NALF1: variants seen among roughly 807,000 people sequenced by gnomAD.
NALF1 encodes the protein family with sequence similarity 155 member A.
Under a neutral mutation model 48.4 loss-of-function variants are expected in NALF1, and 3 were observed. The observed-to-expected ratio is 0.06, with a 90% CI of 0.03 to 0.16. The LOEUF (loss-of-function observed/expected upper bound fraction) is 0.16, where lower values mean the gene tolerates loss of function less well. NALF1 is among the 10% of genes least tolerant of loss of function. The pLI is 1.00. For missense variants in NALF1, 526 were observed against 571.5 expected (o/e 0.92, Z 0.81); for synonymous variants, 262 against 245.7 (o/e 1.07, Z -0.62).
At chr13:107,775,736 A>T (rs1877712673) in intron 1 of NALF1, among the ~76,000 whole-genome samples, 1 of 152,144 alleles carries the variant, frequency 6.6e-6, no homozygotes, top group African/African-American at 2.4e-5. Flanking sequence ...TGACTTTTTA[A>T]TGATTGCCAT....
rs373610494 is a variant in NALF1, at chr13:107,331,734, T to A, written c.916-120979A>T. 4.5e-4 allele frequency among the ~76,000 whole-genome samples: 69 copies of A among 152,276 alleles called. No individual in the cohort carries two copies. In the South Asian group the frequency reaches 0.012, roughly 27 times the overall value. On this transcript the variant is annotated intron_variant, in intron 1 of 2. Transcript: ENST00000375915. ...AGAACATGAAGCAATTTTTATATAA[T>A]AGATATAATTTTCTTTCAAATAAAT...
intron 1 of NALF1, among the ~76,000 whole-genome samples, chr13:107,593,227 T>C (rs1241717927): frequency 6.6e-6 from 1 of 151,960 alleles, no homozygotes; most frequent in African/African-American, 2.4e-5. Context: ...CATTTAATGC[T>C]GTACATTATT....
intron 1 of NALF1, among the ~76,000 whole-genome samples, chr13:107,655,275 A>C (rs1880547347): frequency 6.6e-6 from 1 of 151,992 alleles, no homozygotes; most frequent in African/African-American, 2.4e-5. Flanking sequence ...AAAAGCTCCT[A>C]GAACTGGTAA....
At chr13:107,645,679 A>AC (rs1880296305) in intron 1 of NALF1, among the ~76,000 whole-genome samples, 1 of 52,358 alleles carries the variant, frequency 1.9e-5, no homozygotes, top group African/African-American at 6.4e-5. Context: ...ATACTGGGAG[A>AC]CAAAAAAAAA....
chr13:107,837,646 G>A (rs1015434712), intron 1 of NALF1, among the ~76,000 whole-genome samples: 2 of 151,980 alleles, frequency 1.3e-5, no homozygotes, highest in Admixed American at 6.6e-5. Context: ...GAAATCATCT[G>A]GGGAGGGTTT....
chr13:107,182,047 G>C (rs1210013235), intron 2 of NALF1, among the ~76,000 whole-genome samples: 1 of 151,668 alleles, frequency 6.6e-6, no homozygotes. Context: ...CTTTATCTAA[G>C]AGTTTCACAA....
chr13:107,269,901 C>A, intron 1 of NALF1, among the ~76,000 whole-genome samples: 1 of 149,734 alleles, frequency 6.7e-6, no homozygotes, highest in East Asian at 2.0e-4. Flanking sequence ...TGCCCACCAC[C>A]ACGCCCGGCT....
At chr13:107,364,802 G>A (rs1466650618) in intron 1 of NALF1, among the ~76,000 whole-genome samples, 1 of 151,718 alleles carries the variant, frequency 6.6e-6, no homozygotes, top group Non-Finnish European at 1.5e-5. Context: ...CCTGACCTAG[G>A]ATAAGGTGAT....
chr13:107,256,345 G>T (rs758194459), intron 1 of NALF1, among the ~76,000 whole-genome samples: 7 of 152,156 alleles, frequency 4.6e-5, no homozygotes, highest in Non-Finnish European at 8.8e-5. Flanking sequence ...GGAGCTTGAA[G>T]TCAGCCATAA....
intron 2 of NALF1, among the ~76,000 whole-genome samples, chr13:107,198,445 T>C (rs1879438558): frequency 6.6e-6 from 1 of 152,240 alleles, no homozygotes; most frequent in Non-Finnish European, 1.5e-5. Flanking sequence ...TGCGTAATTA[T>C]CATCCTCTAA....
At chr13:107,425,067 A>G (rs1417192646) in intron 1 of NALF1, among the ~76,000 whole-genome samples, 6 of 152,336 alleles carry the variant, frequency 3.9e-5, no homozygotes, top group African/African-American at 1.2e-4. Context: ...CTAGCAAATG[A>G]AAGTCGTATT....
intron 1 of NALF1, among the ~76,000 whole-genome samples, chr13:107,772,304 C>CCTT (rs1877603492): frequency 6.6e-6 from 1 of 152,054 alleles, no homozygotes; most frequent in African/African-American, 2.4e-5. Flanking sequence ...GATCCAAGAA[C>CCTT]CTTCTCTTGG....
intron 1 of NALF1, among the ~76,000 whole-genome samples, chr13:107,750,493 T>C (rs910265162): frequency 5.3e-5 from 8 of 151,500 alleles, no homozygotes; most frequent in African/African-American, 9.7e-5. Flanking sequence ...AAGTGAATCA[T>C]ATAAAAGCAT....
intron 1 of NALF1, among the ~76,000 whole-genome samples, chr13:107,672,176 T>C (rs1881007083): frequency 6.6e-6 from 1 of 152,194 alleles, no homozygotes; most frequent in African/African-American, 2.4e-5. Flanking sequence ...GAAGCATCTT[T>C]AAGCCTATTA....
rs147427790 is a variant in NALF1, at chr13:107,628,610, C to T, written c.915+237072G>A. Among the ~76,000 whole-genome samples the T allele has an allele frequency of 1.1e-4, 17 of 152,254 alleles. No individual in the cohort carries two copies. In the East Asian group the frequency reaches 3.3e-3, roughly 29 times the overall value. On this transcript the variant is annotated intron_variant, in intron 1 of 2. Transcript: ENST00000375915. Reference sequence around the variant, plus strand: ...TTTTTACATTTCATGAAATATGTTTCACGTTAAAGAAACCATTGTCTTAAG... The same window carrying T: ...TTTTTACATTTCATGAAATATGTTTTACGTTAAAGAAACCATTGTCTTAAG...
chr13:107,193,182 A>AAT (rs1220629724), intron 2 of NALF1, among the ~76,000 whole-genome samples: 1 of 152,088 alleles, frequency 6.6e-6, no homozygotes, highest in Non-Finnish European at 1.5e-5. Context: ...GCACTTACTA[A>AAT]ATATTTTTAA....
intron 1 of NALF1, among the ~76,000 whole-genome samples, chr13:107,256,834 T>C (rs923238226): frequency 5.3e-5 from 8 of 152,210 alleles, no homozygotes; most frequent in Admixed American, 3.9e-4. Context: ...TTATTGTATA[T>C]TTCTATTTTT....
At chr13:107,769,218 C>A (rs891738800) in intron 1 of NALF1, among the ~76,000 whole-genome samples, 1 of 148,706 alleles carries the variant, frequency 6.7e-6, no homozygotes, top group African/African-American at 2.5e-5. Flanking sequence ...ATAAATCATG[C>A]TGCTATAAAG....
At chr13:107,491,762 G>A (rs1015695415) in intron 1 of NALF1, among the ~76,000 whole-genome samples, 16 of 151,986 alleles carry the variant, frequency 1.1e-4, no homozygotes, top group African/African-American at 3.4e-4. Context: ...TCCATAAGTC[G>A]TTAGTAAATG....
Sources: allele counts gnomAD v4.1 joint callset (sites outside exome capture counted in the v4.1 genomes callset), GRCh38; gene constraint gnomAD v4.1.1; transcripts MANE v1.5; gene names NCBI Gene and HGNC (gene_info 2026-07-23, HGNC 2026-07-21).